TUSC3: variants seen among roughly 807,000 people sequenced by gnomAD.
TUSC3 encodes dolichyl-diphosphooligosaccharide--protein glycosyltransferase subunit TUSC3.
TUSC3 carries 45 observed loss-of-function variants against 44.8 expected under a neutral mutation model. That is an observed-to-expected ratio of 1.00 (90% CI 0.79 to 1.29). The LOEUF is 1.29. Among genes scored for constraint, TUSC3 ranks in the 50% most tolerant of loss-of-function variants. The pLI, the probability that TUSC3 is intolerant of heterozygous loss-of-function variation, is 0.00. For synonymous variants in TUSC3, 212 were observed against 152.9 expected (o/e 1.39, Z -2.85); for missense variants, 519 against 437.9 (o/e 1.19, Z -1.65).
chr8:15,538,888 C>T (rs1304200730), upstream of TUSC3, among the ~76,000 whole-genome samples: 2 of 151,780 alleles, frequency 1.3e-5, no homozygotes, highest in Non-Finnish European at 2.9e-5. Context: ...TTTGCTCTGT[C>T]TCCCAGGCTG....
chr8:15,503,979 T>C (rs1361558911), intron 2 of TUSC3, among the ~76,000 whole-genome samples: 2 of 135,938 alleles, frequency 1.5e-5, no homozygotes, highest in African/African-American at 2.8e-5. Flanking sequence ...GCACCACTGC[T>C]CTCCAGCCTG....
chr8:15,641,243 C>G (rs972374966), intron 2 of TUSC3, among the ~76,000 whole-genome samples: 6 of 151,940 alleles, frequency 3.9e-5, no homozygotes, highest in African/African-American at 1.5e-4. Context: ...CGCCTGTAGT[C>G]CCACCTACTC....
chr8:15,651,754 C>G (rs1404553579), intron 3 of TUSC3, among the ~76,000 whole-genome samples: 1 of 152,170 alleles, frequency 6.6e-6, no homozygotes, highest in Non-Finnish European at 1.5e-5. Context: ...TCTGTTCTAG[C>G]AACTCAAGCA....
the TUSC3 span, among the ~76,000 whole-genome samples, chr8:15,832,162 T>A: frequency 2.0e-5 from 3 of 152,040 alleles, no homozygotes; most frequent in African/African-American, 4.8e-5. Flanking sequence ...ATAAAAGAAA[T>A]TCCAACCAAG....
chr8:15,573,716 G>T (rs1261587115), intron 1 of TUSC3, among the ~76,000 whole-genome samples: 1 of 151,968 alleles, frequency 6.6e-6, no homozygotes, highest in East Asian at 1.9e-4. Flanking sequence ...TTATTATTCT[G>T]GTGAGGAAAC....
intron 1 of TUSC3, among the ~76,000 whole-genome samples, chr8:15,590,105 T>A (rs1399223935): frequency 1.3e-5 from 2 of 152,212 alleles, no homozygotes; most frequent in Non-Finnish European, 2.9e-5. Flanking sequence ...GGTCACAAAT[T>A]GTATTGTAAC....
intron 1 of TUSC3, among the ~76,000 whole-genome samples, chr8:15,587,231 T>G (rs2129149015): frequency 6.6e-6 from 1 of 152,316 alleles, no homozygotes; most frequent in South Asian, 2.1e-4. Context: ...TTAGTGGACC[T>G]TATTCCTTAC....
Position 15,672,072 on chromosome 8 carries a change from A to G in TUSC3, c.709-1675A>G, listed in dbSNP as rs140559465. Among the ~76,000 whole-genome samples, 413 of 152,132 alleles carry G rather than the reference A, an allele frequency of 2.7e-3. 2 individuals carry two copies. Among genetic ancestry groups the G allele is most frequent in the African/African-American group, 9.5e-3 (396 of 41,546 alleles). On this transcript the variant is annotated intron_variant, in intron 5 of 10. Transcript: ENST00000503731. ...TTTTAGAGATTGACTGGGTTGACAT[A>G]GCATGAACAAGATGTGGATGCAGGC...
At chr8:15,417,320 C>T (rs944285265) in intron 1 of TUSC3, 1 of 152,316 alleles carries the variant, frequency 6.6e-6, no homozygotes, top group Admixed American at 6.5e-5. Flanking sequence ...GTCAATTAAA[C>T]CTCTTTTCTT....
At chr8:15,810,670 A>T in the TUSC3 span, among the ~76,000 whole-genome samples, 1 of 152,118 alleles carries the variant, frequency 6.6e-6, no homozygotes, top group Non-Finnish European at 1.5e-5. Context: ...AAAGAAAATC[A>T]AAATATTTTA....
At chr8:15,685,883 G>A (rs1808607198) in intron 6 of TUSC3, among the ~76,000 whole-genome samples, 2 of 117,774 alleles carry the variant, frequency 1.7e-5, no homozygotes, top group South Asian at 6.6e-4. Context: ...AAAAATTAGT[G>A]GTATTTGTAA....
At chr8:15,727,729 T>C (rs2129206941) in intron 6 of TUSC3, among the ~76,000 whole-genome samples, 1 of 152,344 alleles carries the variant, frequency 6.6e-6, no homozygotes, top group Non-Finnish European at 1.5e-5. Flanking sequence ...AAACAGCTTC[T>C]CGGCCTTTTG....
At chr8:15,843,593 C>CATAAGTATAT in the TUSC3 span, among the ~76,000 whole-genome samples, 6 of 91,112 alleles carry the variant, frequency 6.6e-5, no homozygotes, top group South Asian at 4.1e-4. Flanking sequence ...ACTTGATGTA[C>CATAAGTATAT]ATATATATAT....
Position 15,465,750 on chromosome 8 carries a change from C to G in TUSC3, n.92-17636C>G, listed in dbSNP as rs528751853. Among the ~76,000 whole-genome samples, 17 of 152,206 alleles carry G rather than the reference C, an allele frequency of 1.1e-4. No homozygotes were observed. The South Asian group carries it at 3.3e-3, about 30-fold the overall frequency. On this transcript the variant is annotated intron_variant and non_coding_transcript_variant, in intron 1 of 5. Transcript: ENST00000503191. The stretch of plus-strand genomic sequence containing the variant: ...GAATTAAACATCAAACATAAAGGTA[C>G]TTTATGAATTAGTTACTTCTCTGCA...
At chr8:15,480,498 T>A (rs1242180455) in intron 1 of TUSC3, among the ~76,000 whole-genome samples, 1 of 152,204 alleles carries the variant, frequency 6.6e-6, no homozygotes, top group East Asian at 1.9e-4. Flanking sequence ...CAACTTCTAG[T>A]TGAGTAGAAA....
At chr8:15,718,953 C>A (rs1306039402) in intron 6 of TUSC3, among the ~76,000 whole-genome samples, 1 of 151,812 alleles carries the variant, frequency 6.6e-6, no homozygotes, top group Non-Finnish European at 1.5e-5. Flanking sequence ...TATATTTTTT[C>A]CTTTAAAATA....
At chr8:15,536,324 C>T (rs1489681708), upstream of TUSC3, among the ~76,000 whole-genome samples, 1 of 152,096 alleles carries the variant, frequency 6.6e-6, no homozygotes, top group Non-Finnish European at 1.5e-5. Context: ...CTGGTGAGGA[C>T]AGAGATAATA....
chr8:15,461,718 A>G (rs183689986), intron 1 of TUSC3, among the ~76,000 whole-genome samples: 244 of 151,804 alleles, frequency 1.6e-3, no homozygotes, highest in African/African-American at 4.9e-3. Flanking sequence ...TTGTGTGCCA[A>G]TTTTGCTAAG....
intron 6 of TUSC3, among the ~76,000 whole-genome samples, chr8:15,699,555 A>G: frequency 6.6e-6 from 1 of 152,220 alleles, no homozygotes; most frequent in Non-Finnish European, 1.5e-5. Context: ...TTGCTCCAGG[A>G]AAAAGATTAT....
Sources: allele counts gnomAD v4.1 joint callset (sites outside exome capture counted in the v4.1 genomes callset), GRCh38; gene constraint gnomAD v4.1.1; transcripts MANE v1.5; gene names NCBI Gene and HGNC (gene_info 2026-07-23, HGNC 2026-07-21).